CPM: variants seen among roughly 807,000 people sequenced by gnomAD.
CPM encodes carboxypeptidase M, also known as renal carboxypeptidase.
A neutral mutation model predicts 46.4 loss-of-function variants in CPM; 35 were observed. The ratio of observed to expected loss-of-function variants is 0.75; its 90% CI spans 0.58 to 1.00. The LOEUF is 1.00. Among genes scored for constraint, CPM ranks in the 50% least tolerant of loss-of-function variants. The pLI, the probability that CPM is intolerant of heterozygous loss-of-function variation, is 0.00. For synonymous variants in CPM, 195 were observed against 195.3 expected (o/e 1.00, Z 0.01); for missense variants, 422 against 530.4 (o/e 0.80, Z 2.01).
At chr12:68,953,856 C>G (rs1189842998) in intron 1 of CPM, among the ~76,000 whole-genome samples, 1 of 152,234 alleles carries the variant, frequency 6.6e-6, no homozygotes, top group Non-Finnish European at 1.5e-5. Context: ...CAATTCTAGA[C>G]AAATGTTTTG....
chr12:68,848,672 A>G (rs900943397), downstream of CPM: 2 of 152,200 alleles, frequency 1.3e-5, no homozygotes, highest in African/African-American at 4.8e-5. Flanking sequence ...GTTTCTTTTT[A>G]TAGGAGGCAT....
chr12:68,856,785 A>G (rs1884993831), intron 8 of CPM, 106 bp from the exon 9 acceptor site: 2 of 1,414,720 alleles, frequency 1.4e-6, no homozygotes, highest in Non-Finnish European at 1.9e-6. Context: ...TGTGCAATGC[A>G]TGTAACAATC....
rs753586455 is a variant in CPM at position 68,867,067 on chromosome 12, A to T, written c.788-19T>A. On this transcript the variant is annotated intron_variant, in intron 6 of 8. Transcript: ENST00000551568. ...ATTCCACCTAAACACAAGCATATTT[A>T]ATTTTTGTTAGGGTCTAAAATTGGA... 3.7e-6 allele frequency: 6 copies of T among 1,613,036 alleles called. No individual in the cohort carries two copies. The highest frequency in any genetic ancestry group is 3.3e-4 in the Middle Eastern group (2 of 6,082).
At chr12:68,952,490 A>T (rs866387007) in intron 1 of CPM, among the ~76,000 whole-genome samples, 4 of 152,212 alleles carry the variant, frequency 2.6e-5, no homozygotes, top group Non-Finnish European at 4.4e-5. Flanking sequence ...AAATGAAATT[A>T]TTAAAAATTT....
intron 1 of CPM, among the ~76,000 whole-genome samples, chr12:68,946,628 T>C (rs1307065828): frequency 1.3e-5 from 2 of 152,218 alleles, no homozygotes. Flanking sequence ...TAGCTCAACC[T>C]CAATTCCTCA....
intron 8 of CPM, among the ~76,000 whole-genome samples, chr12:68,857,075 A>G (rs1885008520): frequency 6.6e-6 from 1 of 152,086 alleles, no homozygotes; most frequent in African/African-American, 2.4e-5. Context: ...TTTCAAGTAG[A>G]ATTATTTTCT....
intron 6 of CPM, among the ~76,000 whole-genome samples, chr12:68,868,204 C>T (rs747765729): frequency 7.9e-5 from 12 of 152,134 alleles, no homozygotes; most frequent in South Asian, 4.1e-4. Flanking sequence ...AGAGCAGGGA[C>T]GATGCAGAAG....
chr12:68,914,165 C>A (rs1433433131), intron 2 of CPM: 2 of 438,822 alleles, frequency 4.6e-6, no homozygotes, highest in African/African-American at 4.0e-5. Flanking sequence ...TGCATGACTG[C>A]AACTGTGTTT....
At chr12:68,885,058 C>G (rs377030352) in intron 3 of CPM, among the ~76,000 whole-genome samples, 11 of 152,164 alleles carry the variant, frequency 7.2e-5, no homozygotes, top group Non-Finnish European at 1.5e-4. Context: ...ATTCTCCTGC[C>G]TCAGCCTCCC....
At chr12:68,881,249 G>A (rs1252458746) in intron 3 of CPM, among the ~76,000 whole-genome samples, 5 of 152,116 alleles carry the variant, frequency 3.3e-5, no homozygotes, top group Admixed American at 3.3e-4. Flanking sequence ...GTAAAGTCAG[G>A]GACTAGAGGT....
intron 2 of CPM, among the ~76,000 whole-genome samples, chr12:68,927,281 T>C (rs1403444167): frequency 2.0e-5 from 3 of 151,282 alleles, no homozygotes; most frequent in Non-Finnish European, 4.4e-5. Context: ...TGGTATCTCA[T>C]TGTGGTTTTG....
intron 1 of CPM, among the ~76,000 whole-genome samples, chr12:68,961,151 T>TA (rs1304613625): frequency 2.0e-5 from 3 of 152,128 alleles, no homozygotes; most frequent in African/African-American, 7.2e-5. Context: ...CCTATAGTCT[T>TA]AAAAAAATTT....
At chr12:68,864,428 G>A (rs543424843) in intron 7 of CPM, among the ~76,000 whole-genome samples, 16 of 152,330 alleles carry the variant, frequency 1.1e-4, no homozygotes, top group Non-Finnish European at 2.4e-4. Context: ...CTAGATGACA[G>A]AGCGAGACTC....
intron 2 of CPM, among the ~76,000 whole-genome samples, chr12:68,922,913 TTTG>T (rs1888095487): frequency 6.6e-6 from 1 of 152,106 alleles, no homozygotes; most frequent in Non-Finnish European, 1.5e-5. Context: ...GTGTTTTTTG[TTTG>T]TTGTTTGTTT....
At chr12:68,954,964 C>T (rs1888989082) in intron 1 of CPM, among the ~76,000 whole-genome samples, 1 of 152,228 alleles carries the variant, frequency 6.6e-6, no homozygotes, top group East Asian at 1.9e-4. Flanking sequence ...AGCACCTGTG[C>T]TGGTGCCTGG....
intron 1 of CPM, among the ~76,000 whole-genome samples, chr12:68,956,753 C>A (rs565836865): frequency 2.0e-4 from 31 of 152,312 alleles, no homozygotes; most frequent in African/African-American, 6.0e-4. Flanking sequence ...CACCAAATCA[C>A]AGTTCACATG....
chr12:68,958,412 C>G (rs1172327201), intron 1 of CPM, among the ~76,000 whole-genome samples: 1 of 152,060 alleles, frequency 6.6e-6, no homozygotes, highest in Non-Finnish European at 1.5e-5. Context: ...CCCCTCAAAC[C>G]CCTTCCACTC....
intron 2 of CPM, among the ~76,000 whole-genome samples, chr12:68,926,230 T>TA (rs954696182): frequency 6.6e-6 from 1 of 152,196 alleles, no homozygotes; most frequent in Non-Finnish European, 1.5e-5. Flanking sequence ...GAAATTAATT[T>TA]AAAAAAATAT....
At chr12:68,901,682 G>T (rs558656000) in intron 2 of CPM, among the ~76,000 whole-genome samples, 1 of 152,344 alleles carries the variant, frequency 6.6e-6, no homozygotes, top group Non-Finnish European at 1.5e-5. Context: ...TAAGCAGTCA[G>T]TAAAGTTTGA....
Sources: allele counts gnomAD v4.1 joint callset (sites outside exome capture counted in the v4.1 genomes callset), GRCh38; gene constraint gnomAD v4.1.1; transcripts MANE v1.5; gene names NCBI Gene and HGNC (gene_info 2026-07-23, HGNC 2026-07-21).